The following LRRC4C variants were observed in gnomAD, a reference collection of about 807,000 sequenced individuals.
The protein encoded by LRRC4C is leucine-rich repeat-containing protein 4C.
LRRC4C carries 5 observed loss-of-function variants against 33.6 expected under a neutral mutation model. The ratio of observed to expected loss-of-function variants is 0.15; its 90% CI spans 0.08 to 0.31. The LOEUF is 0.31. LRRC4C is among the 10% of genes least tolerant of loss of function. LRRC4C has a pLI of 1.00. For missense variants in LRRC4C, 560 were observed against 796.7 expected, an observed-to-expected ratio of 0.70 and a Z score of 3.58; for synonymous variants, 329 against 302.0, an observed-to-expected ratio of 1.09 and a Z score of -0.93.
intron 2 of LRRC4C, among the ~76,000 whole-genome samples, chr11:40,863,659 A>T (rs1426264911): frequency 6.6e-6 from 1 of 152,174 alleles, no homozygotes; most frequent in East Asian, 1.9e-4. Context: ...TGGTTTAAAG[A>T]TAAGGAGGAA....
chr11:40,657,947 G>A (rs1266585660), intron 2 of LRRC4C, among the ~76,000 whole-genome samples: 1 of 152,130 alleles, frequency 6.6e-6, no homozygotes, highest in Non-Finnish European at 1.5e-5. Context: ...AAGAACAAGG[G>A]CAAGATATAC....
At chr11:40,164,945 C>G (rs1859464845) in intron 5 of LRRC4C, among the ~76,000 whole-genome samples, 1 of 152,102 alleles carries the variant, frequency 6.6e-6, no homozygotes, top group African/African-American at 2.4e-5. Context: ...TAACTAAGCT[C>G]AGGACATGTT....
intron 1 of LRRC4C, among the ~76,000 whole-genome samples, chr11:40,995,306 A>G (rs1020462195): frequency 1.3e-5 from 2 of 152,050 alleles, no homozygotes; most frequent in African/African-American, 2.4e-5. Flanking sequence ...GTTCTTATTC[A>G]TATAAAAGTG....
intron 2 of LRRC4C, among the ~76,000 whole-genome samples, chr11:40,859,435 T>C (rs1177103872): frequency 6.6e-6 from 1 of 152,122 alleles, no homozygotes. Context: ...GGATACTTTA[T>C]TATTTTGTGA....
rs868028139 is a variant in LRRC4C at position 40,339,025 on chromosome 11, G to C, written c.-269-19304C>G. ...ATGAGTAACCAGTTACAAAGGACCA[G>C]AGGGTGTTTTCACACCTTTTCCTCC... is the stretch of plus-strand genomic sequence containing the variant. On this transcript the variant is annotated intron_variant, in intron 3 of 6. Coordinates refer to ENST00000528697, the MANE Select transcript of LRRC4C (RefSeq NM_001258419.2). Among the ~76,000 whole-genome samples the C allele has an allele frequency of 5.3e-5, 8 of 152,344 alleles. 1 individual carries two copies. In the South Asian group the frequency reaches 1.2e-3, roughly 24 times the overall value.
At chr11:40,423,623 C>T (rs921094410) in intron 3 of LRRC4C, among the ~76,000 whole-genome samples, 1 of 152,138 alleles carries the variant, frequency 6.6e-6, no homozygotes, top group African/African-American at 2.4e-5. Context: ...GGATTACAGG[C>T]GTGAGCCACC....
chr11:40,264,286 G>A (rs1036877548), intron 4 of LRRC4C, among the ~76,000 whole-genome samples: 1 of 152,260 alleles, frequency 6.6e-6, no homozygotes, highest in African/African-American at 2.4e-5. Flanking sequence ...TTTGCTAGAA[G>A]CACTTTGGTT....
intron 5 of LRRC4C, among the ~76,000 whole-genome samples, chr11:40,215,687 G>T (rs1293296357): frequency 6.6e-6 from 1 of 152,128 alleles, no homozygotes; most frequent in African/African-American, 2.4e-5. Flanking sequence ...GTCCAAGAAA[G>T]AAATAAAAGA....
chr11:40,257,813 T>C (rs1867339978), intron 4 of LRRC4C, among the ~76,000 whole-genome samples: 1 of 152,076 alleles, frequency 6.6e-6, no homozygotes, highest in Non-Finnish European at 1.5e-5. Flanking sequence ...CAGAGCAAAA[T>C]GATGGAAAGA....
At chr11:40,761,640 CTTATTA>C (rs764580764) in intron 2 of LRRC4C, among the ~76,000 whole-genome samples, 2 of 152,088 alleles carry the variant, frequency 1.3e-5, no homozygotes, top group Non-Finnish European at 2.9e-5. Context: ...GCAAAACACA[CTTATTA>C]TTATTATTTT....
chr11:40,877,258 A>T (rs1411583082), intron 2 of LRRC4C, among the ~76,000 whole-genome samples: 1 of 152,144 alleles, frequency 6.6e-6, no homozygotes, highest in Non-Finnish European at 1.5e-5. Context: ...TTCTGTCCGT[A>T]TGCACATACG....
intron 1 of LRRC4C, among the ~76,000 whole-genome samples, chr11:41,402,008 A>G (rs1198477275): frequency 6.6e-6 from 1 of 151,976 alleles, no homozygotes; most frequent in Admixed American, 6.6e-5. Context: ...AACACTTACA[A>G]TGGAATAGGT....
At chr11:40,549,773 A>G (rs1957064394) in intron 3 of LRRC4C, among the ~76,000 whole-genome samples, 1 of 152,148 alleles carries the variant, frequency 6.6e-6, no homozygotes, top group Admixed American at 6.5e-5. Context: ...CAGAAGAAAA[A>G]AAGTGAAAAT....
intron 5 of LRRC4C, among the ~76,000 whole-genome samples, chr11:40,215,583 T>C (rs567965486): frequency 1.3e-5 from 2 of 152,182 alleles, no homozygotes; most frequent in African/African-American, 4.8e-5. Context: ...CAGATAGCCC[T>C]TGGTGTTGGA....
chr11:41,399,710 A>T (rs1047002996), intron 1 of LRRC4C, among the ~76,000 whole-genome samples: 1 of 151,910 alleles, frequency 6.6e-6, no homozygotes, highest in Non-Finnish European at 1.5e-5. Context: ...TTTTTTCCTT[A>T]AAAATCCAAT....
At chr11:40,558,701 T>C (rs929981241) in intron 3 of LRRC4C, among the ~76,000 whole-genome samples, 1 of 152,208 alleles carries the variant, frequency 6.6e-6, no homozygotes, top group African/African-American at 2.4e-5. Flanking sequence ...CATGATTTTT[T>C]AAAAACTTTT....
intron 4 of LRRC4C, among the ~76,000 whole-genome samples, chr11:40,244,397 C>G (rs1359131973): frequency 6.6e-6 from 1 of 152,024 alleles, no homozygotes; most frequent in African/African-American, 2.4e-5. Flanking sequence ...CCAGATCCAC[C>G]AAATAAGGTC....
intron 1 of LRRC4C, among the ~76,000 whole-genome samples, chr11:41,391,295 A>T (rs1329189624): frequency 6.6e-6 from 1 of 151,988 alleles, no homozygotes; most frequent in African/African-American, 2.4e-5. Flanking sequence ...AAAATATACA[A>T]ATAGAAAATG....
chr11:41,305,216 C>G (rs1950458303), intron 1 of LRRC4C, among the ~76,000 whole-genome samples: 1 of 52,972 alleles, frequency 1.9e-5, no homozygotes, highest in African/African-American at 4.8e-5. Context: ...CCGCCCCGTC[C>G]GGGAGGGAGG....
Sources: allele counts gnomAD v4.1 joint callset (sites outside exome capture counted in the v4.1 genomes callset), GRCh38; gene constraint gnomAD v4.1.1; transcripts MANE v1.5; gene names NCBI Gene and HGNC (gene_info 2026-07-23, HGNC 2026-07-21).